RIC3: variants seen among roughly 807,000 people sequenced by gnomAD.
RIC3 encodes the protein RIC3 acetylcholine receptor chaperone.
In RIC3, 28 loss-of-function variants were observed where a neutral mutation model predicts 27.3. The ratio of observed to expected loss-of-function variants is 1.02; its 90% CI spans 0.76 to 1.41. The LOEUF is 1.41. RIC3 is among the 40% of genes most tolerant of loss of function. RIC3 has a pLI of 0.00. For synonymous variants in RIC3, 184 were observed against 160.4 expected, an observed-to-expected ratio of 1.15 and a Z score of -1.11; for missense variants, 501 against 444.7, an observed-to-expected ratio of 1.13 and a Z score of -1.14.
chr11:8,099,696 A>G, the RIC3 span, among the ~76,000 whole-genome samples: 2 of 152,250 alleles, frequency 1.3e-5, no homozygotes, highest in Non-Finnish European at 2.9e-5. Flanking sequence ...AACACTAAGA[A>G]GAAAAAGTAG....
the RIC3 span, among the ~76,000 whole-genome samples, chr11:8,094,991 T>C: frequency 6.6e-6 from 1 of 152,232 alleles, no homozygotes; most frequent in South Asian, 2.1e-4. Flanking sequence ...TGGGAGATGC[T>C]CCATTTGGGA....
chr11:8,122,768 T>C (rs1946593538), intron 5 of RIC3, among the ~76,000 whole-genome samples: 1 of 139,194 alleles, frequency 7.2e-6, no homozygotes, highest in Non-Finnish European at 1.5e-5. Flanking sequence ...GCTAACCTAA[T>C]AAATCCAACA....
rs187954352 is a variant in RIC3 at position 8,162,935 on chromosome 11, C to T, written c.124+5931G>A. 1.3e-3 allele frequency among the ~76,000 whole-genome samples: 197 copies of T among 151,794 alleles called. 3 individuals carry two copies. Among genetic ancestry groups the T allele is most frequent in the Non-Finnish European group, 3.4e-4 (23 of 67,946 alleles). The stretch of plus-strand genomic sequence containing the variant: ...TGCTGGGATTATAGACATGAGCCAC[C>T]GTGCCTGGCCCTAAGCCTCTGTGTT... On this transcript the variant is annotated intron_variant, in intron 1 of 5. Coordinates refer to ENST00000309737, the MANE Select transcript of RIC3 (RefSeq NM_001206671.4).
the RIC3 span, chr11:8,097,835 A>G: frequency 6.2e-6 from 10 of 1,605,126 alleles, no homozygotes; most frequent in Non-Finnish European, 7.7e-6. Context: ...CGGTACTAGC[A>G]TTCCCCCAGG....
At chr11:8,099,602 G>A in the RIC3 span, among the ~76,000 whole-genome samples, 1 of 152,168 alleles carries the variant, frequency 6.6e-6, no homozygotes, top group Non-Finnish European at 1.5e-5. Flanking sequence ...AGACATAAAT[G>A]TATACCTTTA....
chr11:8,114,206 T>G (rs1354494754), intron 5 of RIC3, among the ~76,000 whole-genome samples: 1 of 152,164 alleles, frequency 6.6e-6, no homozygotes, highest in Admixed American at 6.5e-5. Flanking sequence ...TCCCTGCTTC[T>G]TCAAATGCAC....
intron 1 of RIC3, among the ~76,000 whole-genome samples, chr11:8,142,088 T>A (rs1361752499): frequency 1.4e-5 from 2 of 147,826 alleles, no homozygotes; most frequent in African/African-American, 5.1e-5. Context: ...AGATCCAAAA[T>A]TGACACCCTA....
chr11:8,138,480 G>T, intron 2 of RIC3, 133 bp from the exon 3 acceptor site: 4 of 512,096 alleles, frequency 7.8e-6, no homozygotes, highest in East Asian at 3.0e-5. Context: ...AGCAACACTA[G>T]AGAAATAGCT....
intron 4 of RIC3, among the ~76,000 whole-genome samples, chr11:8,129,888 A>G (rs1353511075): frequency 6.6e-6 from 1 of 152,140 alleles, no homozygotes; most frequent in Non-Finnish European, 1.5e-5. Flanking sequence ...CTCAAGAACC[A>G]AATTTCCTAT....
the RIC3 span, chr11:8,097,193 C>G: frequency 1.2e-6 from 2 of 1,612,240 alleles, no homozygotes; most frequent in Non-Finnish European, 1.7e-6. Flanking sequence ...GCTTAGGGTC[C>G]TTGGGGCTCA....
chr11:8,129,793 T>G (rs1947468502), intron 4 of RIC3, among the ~76,000 whole-genome samples: 1 of 152,248 alleles, frequency 6.6e-6, no homozygotes, highest in African/African-American at 2.4e-5. Flanking sequence ...CTCAAAGATT[T>G]GGTGATCTCA....
chr11:8,094,008 T>C, the RIC3 span: 243 of 1,613,850 alleles, frequency 1.5e-4, 2 homozygotes, highest in African/African-American at 3.1e-3. Context: ...ACCCACTGCC[T>C]GTTTCTCTCT....
downstream of RIC3, chr11:8,102,414 G>A (rs1345629872): frequency 6.6e-6 from 1 of 152,226 alleles, no homozygotes; most frequent in East Asian, 1.9e-4. Context: ...AGGGTCCCTG[G>A]ATCAGGGTTG....
At chr11:8,153,459 A>T (rs574682526) in intron 1 of RIC3, 5 of 450,042 alleles carry the variant, frequency 1.1e-5, no homozygotes, top group South Asian at 7.9e-5. Flanking sequence ...CATAGTGGTC[A>T]TTCAATAAAT....
chr11:8,168,678 GC>G (rs1187621897), intron 1 of RIC3, among the ~76,000 whole-genome samples, 187 bp downstream of exon 1: 6 of 152,204 alleles, frequency 3.9e-5, no homozygotes, highest in Admixed American at 6.5e-5. Flanking sequence ...AACCATCTGG[GC>G]CGCCACCCGC....
chr11:8,131,892 C>T (rs1947774211), intron 4 of RIC3, among the ~76,000 whole-genome samples: 1 of 108,522 alleles, frequency 9.2e-6, no homozygotes, highest in African/African-American at 3.8e-5. Flanking sequence ...CAGAGAGAGA[C>T]TCCATCTCAA....
rs1176434239 is a variant in RIC3, at chr11:8,141,064, C to T, written c.125-871G>A. ...CATGGAAAGGAACAACCGGTACCAGCCGCTGCAAAATCATGCCAAAATGTA... is the reference window on the plus strand; with the variant it reads ...CATGGAAAGGAACAACCGGTACCAGTCGCTGCAAAATCATGCCAAAATGTA... On this transcript the variant is annotated intron_variant, in intron 1 of 5. Coordinates refer to ENST00000309737, the MANE Select transcript of RIC3 (RefSeq NM_001206671.4). Among the ~76,000 whole-genome samples the T allele has an allele frequency of 2.7e-5, 4 of 148,652 alleles. No homozygotes were observed. The East Asian group carries it at 5.9e-4, about 22-fold the overall frequency.
intron 5 of RIC3, among the ~76,000 whole-genome samples, chr11:8,122,200 C>T (rs913294499): frequency 3.3e-5 from 5 of 152,144 alleles, no homozygotes; most frequent in Non-Finnish European, 7.3e-5. Flanking sequence ...TTTCCATCAC[C>T]ACAAGGACCC....
the RIC3 span, chr11:8,098,694 T>G: frequency 1.6e-6 from 2 of 1,265,506 alleles, no homozygotes; most frequent in Non-Finnish European, 2.3e-6. Flanking sequence ...GGACAGACGA[T>G]GAGCTGTTCC....
Sources: allele counts gnomAD v4.1 joint callset (sites outside exome capture counted in the v4.1 genomes callset), GRCh38; gene constraint gnomAD v4.1.1; transcripts MANE v1.5; gene names NCBI Gene and HGNC (gene_info 2026-07-23, HGNC 2026-07-21).